Variants in UVRAG observed in about 807,000 individuals in gnomAD.
UVRAG encodes UV radiation resistance associated.
Under a neutral mutation model 78.0 loss-of-function variants are expected in UVRAG, and 19 were observed. That is an observed-to-expected ratio of 0.24 (90% CI 0.17 to 0.36). The LOEUF (loss-of-function observed/expected upper bound fraction) is 0.36, where lower values mean the gene tolerates loss of function less well. UVRAG is among the 10% of genes least tolerant of loss of function. The probability of loss-of-function intolerance (pLI) is 1.00; values close to 1 mark genes in which losing one functional copy is unlikely to be tolerated. For synonymous variants in UVRAG, 323 were observed against 324.6 expected, an observed-to-expected ratio of 1.00 and a Z score of 0.05; for missense variants, 740 against 853.8, an observed-to-expected ratio of 0.87 and a Z score of 1.66.
chr11:76,068,038 T>G (rs1419796396), intron 13 of UVRAG, among the ~76,000 whole-genome samples: 1 of 152,160 alleles, frequency 6.6e-6, no homozygotes, highest in East Asian at 1.9e-4. Flanking sequence ...TGCCTGTATT[T>G]CCTCATATAT....
chr11:75,930,007 C>A (rs930661864), intron 6 of UVRAG, among the ~76,000 whole-genome samples: 2 of 152,156 alleles, frequency 1.3e-5, no homozygotes, highest in African/African-American at 4.8e-5. Flanking sequence ...CGTTATTCAC[C>A]TTACATTATC....
intron 8 of UVRAG, among the ~76,000 whole-genome samples, chr11:75,992,336 A>G (rs1949623987): frequency 6.6e-6 from 1 of 152,186 alleles, no homozygotes; most frequent in Non-Finnish European, 1.5e-5. Context: ...TGTATTTGTC[A>G]TGGAGGGTCA....
intron 2 of UVRAG, among the ~76,000 whole-genome samples, chr11:75,859,732 TA>T (rs1946377602): frequency 6.6e-6 from 1 of 152,164 alleles, no homozygotes; most frequent in South Asian, 2.1e-4. Flanking sequence ...TATTGTGCTA[TA>T]AATTTTATTG....
intron 14 of UVRAG, among the ~76,000 whole-genome samples, chr11:76,138,749 G>C (rs1247711156): frequency 6.6e-6 from 1 of 152,216 alleles, no homozygotes; most frequent in African/African-American, 2.4e-5. Flanking sequence ...GTTTCACCTG[G>C]TGCTTCCACC....
intron 6 of UVRAG, among the ~76,000 whole-genome samples, chr11:75,948,099 A>G (rs1948616790): frequency 6.6e-6 from 1 of 152,148 alleles, no homozygotes; most frequent in Non-Finnish European, 1.5e-5. Context: ...AATAACATCT[A>G]ATATTAGCTT....
chr11:76,041,035 T>C (rs1452511367), intron 12 of UVRAG, among the ~76,000 whole-genome samples: 1 of 152,016 alleles, frequency 6.6e-6, no homozygotes, highest in African/African-American at 2.4e-5. Context: ...AGTTTGTGAG[T>C]GAAAATTTTA....
At position 76,116,087 on chromosome 11, in the gene UVRAG, A is replaced by C. The variant is rs1249837219; in HGVS notation, c.1397+72A>C. On this transcript the variant is annotated intron_variant, in intron 14 of 14. Coordinates refer to ENST00000356136, the MANE Select transcript of UVRAG (RefSeq NM_003369.4). Reference sequence around the variant, plus strand: ...ATCCTGAAAATCTTTTCTGACTTCCACATTGCTCCACACCTGCCTCTGAGT... The same window carrying C: ...ATCCTGAAAATCTTTTCTGACTTCCCCATTGCTCCACACCTGCCTCTGAGT... The C allele has an allele frequency of 2.8e-5, 39 of 1,369,096 alleles. 1 individual carries two copies. The highest frequency in any genetic ancestry group is 3.0e-5 in the Non-Finnish European group (29 of 970,712). 84.8% of individuals were successfully genotyped at this position (1,369,096 alleles called of 1,614,324 possible).
intron 1 of UVRAG, among the ~76,000 whole-genome samples, chr11:75,838,248 C>T (rs10899145): frequency 0.2 from 30,275 of 152,090 alleles, 4,735 homozygotes; most frequent in African/African-American, 0.43. Context: ...ATTTCTAGTT[C>T]TTTTTGCTAA....
intron 1 of UVRAG, 140 bp downstream of exon 1, chr11:75,815,664 A>C: frequency 2.2e-6 from 1 of 459,620 alleles, no homozygotes. Flanking sequence ...GAAGACTGTC[A>C]GGAGGTTTGT....
In UVRAG at chr11:76,074,216, A is replaced by C. The variant is rs145919156; in HGVS notation, c.1305+8428A>C. ...TGGGGTCCTCAGTCATTTTAAGAGT[A>C]TAAAGGGATCTTGAGACTAAACTTT... On this transcript the variant is annotated intron_variant, in intron 13 of 14. Transcript: ENST00000356136. Among the ~76,000 whole-genome samples, 464 of 152,326 alleles carry C rather than the reference A, an allele frequency of 3.0e-3. 6 individuals carry two copies. The highest frequency in any genetic ancestry group is 0.011 in the African/African-American group (440 of 41,562).
chr11:76,004,219 T>A, intron 9 of UVRAG, 130 bp downstream of exon 9: 1 of 816,756 alleles, frequency 1.2e-6, no homozygotes, highest in Admixed American at 2.2e-5. Context: ...CATTCGTTTA[T>A]TCAACACATA....
intron 12 of UVRAG, among the ~76,000 whole-genome samples, chr11:76,049,425 G>A (rs1950821754): frequency 6.6e-6 from 1 of 152,216 alleles, no homozygotes; most frequent in Non-Finnish European, 1.5e-5. Flanking sequence ...ATGGTTTTCA[G>A]AGTGCCAGCT....
At chr11:75,860,378 G>T (rs1205974908) in intron 2 of UVRAG, among the ~76,000 whole-genome samples, 1 of 152,174 alleles carries the variant, frequency 6.6e-6, no homozygotes, top group Non-Finnish European at 1.5e-5. Context: ...AAGAAAAAGG[G>T]ATTATCTTTC....
intron 13 of UVRAG, among the ~76,000 whole-genome samples, chr11:76,092,133 C>T (rs948816462): frequency 1.3e-5 from 2 of 152,078 alleles, no homozygotes; most frequent in Non-Finnish European, 2.9e-5. Context: ...TGATGGTTTC[C>T]AGCTTCATCC....
intron 1 of UVRAG, among the ~76,000 whole-genome samples, chr11:75,831,512 A>G (rs1214089541): frequency 1.3e-5 from 2 of 151,972 alleles, no homozygotes; most frequent in Non-Finnish European, 2.9e-5. Flanking sequence ...ACAAAAAAAA[A>G]AAACAAAACT....
Position 75,961,426 on chromosome 11 carries a change from T to C in UVRAG, c.594-18T>C. 1 of 1,573,290 alleles carries C rather than the reference T, an allele frequency of 6.4e-7. No homozygotes were observed. Among genetic ancestry groups the C allele is most frequent in the Non-Finnish European group, 8.6e-7 (1 of 1,166,396 alleles). ...TACTGTTAACTCATTTACATTTTTC[T>C]ATAACTTATATTTCTAGGCTTCATA... is the stretch of plus-strand genomic sequence containing the variant. On this transcript the variant is annotated intron_variant, in intron 6 of 14. Transcript: ENST00000356136.
intron 1 of UVRAG, among the ~76,000 whole-genome samples, chr11:75,828,798 TA>T (rs1391022122): frequency 0.1 from 10,505 of 101,686 alleles, 808 homozygotes; most frequent in Non-Finnish European, 0.15. Flanking sequence ...TATATATATA[TA>T]TATATATTTT....
rs137871022 is a variant in UVRAG at position 76,064,544 on chromosome 11, G to A, written c.1227-1166G>A. Among the ~76,000 whole-genome samples the A allele has an allele frequency of 3.6e-3, 547 of 152,282 alleles. 1 individual carries two copies. The highest frequency in any genetic ancestry group is 0.01 in the Middle Eastern group (3 of 294). On this transcript the variant is annotated intron_variant, in intron 12 of 14. Transcript: ENST00000356136. ...AGCTCTGTCTTCTTGATGGGTGTGT[G>A]AAGCATTTGGTGTTCCTTTAGTAGA...
At chr11:75,857,736 T>A (rs979910694) in intron 2 of UVRAG, among the ~76,000 whole-genome samples, 1 of 151,794 alleles carries the variant, frequency 6.6e-6, no homozygotes, top group African/African-American at 2.4e-5. Flanking sequence ...GATCCACCCG[T>A]CTTGGCTTCC....
Sources: allele counts gnomAD v4.1 joint callset (sites outside exome capture counted in the v4.1 genomes callset), GRCh38; gene constraint gnomAD v4.1.1; transcripts MANE v1.5; gene names NCBI Gene and HGNC (gene_info 2026-07-23, HGNC 2026-07-21).